The following RIN2 variants were observed in gnomAD, a reference collection of about 807,000 sequenced individuals.
RIN2 encodes Ras and Rab interactor 2.
RIN2 carries 36 observed loss-of-function variants against 78.0 expected under a neutral mutation model. That is an observed-to-expected ratio of 0.46 (90% CI 0.35 to 0.61). The LOEUF is 0.61. RIN2 is among the 20% of genes least tolerant of loss of function. The probability of loss-of-function intolerance (pLI) is 0.00; values close to 1 mark genes in which losing one functional copy is unlikely to be tolerated. For missense variants in RIN2, 1,087 were observed against 1,159.7 expected (o/e 0.94, Z 0.91); for synonymous variants, 466 against 466.8 (o/e 1.00, Z 0.02).
At chr20:19,853,997 G>A (rs1383821432) in intron 2 of RIN2, among the ~76,000 whole-genome samples, 1 of 152,210 alleles carries the variant, frequency 6.6e-6, no homozygotes, top group East Asian at 1.9e-4. Context: ...TTCTTCTAGG[G>A]TTTTGATGGT....
At chr20:19,787,586 C>CCCAGGG (rs1352185136) in intron 1 of RIN2, among the ~76,000 whole-genome samples, 2 of 152,100 alleles carry the variant, frequency 1.3e-5, no homozygotes, top group Non-Finnish European at 2.9e-5. Context: ...TGTGTGACCA[C>CCCAGGG]AGGCAAGTAA....
rs2043115387 is a variant in RIN2 at position 20,000,650 on chromosome 20, G to A, written c.2402G>A (p.Gly801Asp). The A allele has an allele frequency of 2.5e-6, 4 of 1,607,472 alleles. No homozygotes were observed. In the East Asian group the frequency reaches 8.9e-5, roughly 36 times the overall value. ...LRVAFQEVNS[G>D]CTGKTLLVRP... ...GTTGCATTTCAGGAGGTCAACAGTG[G>A]TTGCACAGGAAAGACCCTCCTTGTG... The change falls in exon 13 of 13, where the codon GGT (glycine) becomes GAT (aspartate). Residue 801 changes from glycine to aspartate, a missense_variant. Physicochemically the swap from Gly to Asp is moderately conservative, Grantham distance 94. Coordinates refer to ENST00000255006, the MANE Select transcript of RIN2 (RefSeq NM_018993.4).
At chr20:19,932,900 C>T (rs1303866614) in intron 3 of RIN2, among the ~76,000 whole-genome samples, 2 of 152,238 alleles carry the variant, frequency 1.3e-5, no homozygotes, top group Non-Finnish European at 2.9e-5. Flanking sequence ...TTGCTCCCAT[C>T]TCAGTCAAGG....
At position 19,805,715 on chromosome 20, in the gene RIN2, C is replaced by CTT. The variant is rs973080307; in HGVS notation, c.-37+5979_-37+5980dup. 3.6e-3 allele frequency among the ~76,000 whole-genome samples: 521 copies of CTT among 145,946 alleles called. 5 individuals are homozygous for CTT. Among genetic ancestry groups the CTT allele is most frequent in the African/African-American group, 0.012 (476 of 39,964 alleles). ...CTGCGCCTGGCCCAAGTTACAAGGA[C>CTT]TTTTTTTTTTTTAATTATTATACTT... On this transcript the variant is annotated intron_variant, in intron 2 of 12. Coordinates refer to ENST00000255006, the MANE Select transcript of RIN2 (RefSeq NM_018993.4).
intron 1 of RIN2, among the ~76,000 whole-genome samples, chr20:19,794,830 C>T (rs765225451): frequency 5.9e-5 from 9 of 152,100 alleles, no homozygotes; most frequent in Non-Finnish European, 7.4e-5. Context: ...ATGCTTACTC[C>T]GCATTTGGTT....
At chr20:19,897,779 A>G (rs1300337208) in intron 3 of RIN2, among the ~76,000 whole-genome samples, 2 of 151,584 alleles carry the variant, frequency 1.3e-5, no homozygotes. Context: ...TGGTGTGAAC[A>G]TAGCTTACTG....
At chr20:19,946,730 A>G (rs1309185909) in intron 4 of RIN2, among the ~76,000 whole-genome samples, 109 of 150,974 alleles carry the variant, frequency 7.2e-4, no homozygotes, top group African/African-American at 2.6e-3. Flanking sequence ...AAAAAAAAAA[A>G]AAAGGGAAAA....
rs2041873219 is a variant in RIN2, at chr20:19,964,503, T to C, written c.464-449T>C. 2.6e-5 allele frequency among the ~76,000 whole-genome samples: 4 copies of C among 152,286 alleles called. No individual in the cohort carries two copies. In the South Asian group the frequency reaches 8.3e-4, roughly 32 times the overall value. On this transcript the variant is annotated intron_variant, in intron 6 of 12. Transcript: ENST00000255006. ...TCTACATTCCTTCTCCCGTGTGCTT[T>C]TATCACAGGTGCTCTGTTATGGCAA...
chr20:19,801,203 A>G (rs185283192), intron 2 of RIN2, among the ~76,000 whole-genome samples: 28 of 152,300 alleles, frequency 1.8e-4, no homozygotes, highest in African/African-American at 6.3e-4. Flanking sequence ...CCCTCCATGA[A>G]TTTAGATCCT....
chr20:19,792,773 G>C (rs1045850544), intron 1 of RIN2, among the ~76,000 whole-genome samples: 3 of 152,146 alleles, frequency 2.0e-5, no homozygotes, highest in Non-Finnish European at 4.4e-5. Flanking sequence ...ATTGGCTGTC[G>C]GGGTGATTTG....
chr20:19,873,165 C>CT (rs2037743457), intron 2 of RIN2, among the ~76,000 whole-genome samples: 1 of 151,462 alleles, frequency 6.6e-6, no homozygotes, highest in East Asian at 1.9e-4. Context: ...TGCTCTATCA[C>CT]CCAGGCTGGA....
chr20:19,829,587 A>G (rs6081762), intron 2 of RIN2, among the ~76,000 whole-genome samples: 54,909 of 151,960 alleles, frequency 0.36, 10,063 homozygotes, highest in Middle Eastern at 0.43. Context: ...TAGGAAATGT[A>G]TTGGTCAGGG....
chr20:19,831,782 T>C (rs904204617), intron 2 of RIN2, among the ~76,000 whole-genome samples: 12 of 152,192 alleles, frequency 7.9e-5, no homozygotes, highest in African/African-American at 2.7e-4. Flanking sequence ...TGCAAGTTTA[T>C]TGTAGTAGAT....
chr20:19,794,655 A>G, intron 1 of RIN2, among the ~76,000 whole-genome samples: 1 of 151,960 alleles, frequency 6.6e-6, no homozygotes, highest in East Asian at 1.9e-4. Context: ...TTCAGTTTCT[A>G]GAGTTGTGAC....
chr20:19,805,347 C>T (rs573313358), intron 2 of RIN2, among the ~76,000 whole-genome samples: 29 of 152,248 alleles, frequency 1.9e-4, no homozygotes, highest in Admixed American at 5.2e-4. Context: ...GATTCATCTT[C>T]GAATAGTCCA....
chr20:19,876,941 C>G (rs1350675570), intron 2 of RIN2, among the ~76,000 whole-genome samples: 2 of 151,624 alleles, frequency 1.3e-5, no homozygotes, highest in East Asian at 3.9e-4. Context: ...AAAAAAACAA[C>G]CACATACCAA....
At chr20:19,946,713 C>CAA (rs74180972) in intron 4 of RIN2, among the ~76,000 whole-genome samples, 8,192 of 77,702 alleles carry the variant, frequency 0.11, 515 homozygotes, top group East Asian at 0.29. Context: ...GATTCTATCT[C>CAA]AAAAAAAAAA....
chr20:19,835,178 G>A (rs1440241857), intron 2 of RIN2, among the ~76,000 whole-genome samples: 7 of 151,794 alleles, frequency 4.6e-5, no homozygotes, highest in Admixed American at 3.3e-4. Flanking sequence ...GAAGAAGGAA[G>A]GGAGGGATTT....
intron 3 of RIN2, among the ~76,000 whole-genome samples, chr20:19,918,160 T>TG (rs1031694477): frequency 5.9e-5 from 9 of 152,172 alleles, no homozygotes; most frequent in East Asian, 1.9e-4. Context: ...GTGGGACAGC[T>TG]GGGGGGACAC....
Sources: gnomAD v4.1 joint callset for allele counts (sites outside exome capture counted in the v4.1 genomes callset) on GRCh38, gnomAD v4.1.1 for gene constraint, MANE v1.5 for transcripts, NCBI Gene and HGNC (gene_info 2026-07-23, HGNC 2026-07-21) for gene names.